GRK2: variants seen among roughly 807,000 people sequenced by gnomAD.
The protein encoded by GRK2 is adrenergic beta receptor kinase 1.
In GRK2, 23 loss-of-function variants were observed where a neutral mutation model predicts 97.8. That is an observed-to-expected ratio of 0.24 (90% confidence interval 0.17 to 0.33). The LOEUF (loss-of-function observed/expected upper bound fraction) is 0.33. Ranked by LOEUF, GRK2 falls within the 10% of genes least tolerant of loss-of-function variation. The pLI is 1.00. For synonymous variants in GRK2, 425 were observed against 381.7 expected (o/e 1.11, Z -1.32); for missense variants, 633 against 956.9 (o/e 0.66, Z 4.47).
chr11:67,273,865 A>G (rs1859964402), intron 1 of GRK2, among the ~76,000 whole-genome samples: 1 of 152,020 alleles, frequency 6.6e-6, no homozygotes, highest in South Asian at 2.1e-4. Context: ...GGAAGGAGAA[A>G]GGGCCTGCCC....
At chr11:67,283,033 C>T in intron 14 of GRK2, 95 bp from the exon 15 acceptor site, 3 of 1,315,196 alleles carry the variant, frequency 2.3e-6, no homozygotes, top group South Asian at 1.2e-5. Flanking sequence ...CCCCATCTGT[C>T]CCTCTGCGGG....
intron 6 of GRK2, 27 bp from the exon 7 acceptor site, chr11:67,280,705 C>T (rs935850476): frequency 1.9e-6 from 3 of 1,613,836 alleles, no homozygotes; most frequent in Non-Finnish European, 2.5e-6. Context: ...TCTGAGTGGC[C>T]CCTGAGCCCT....
At chr11:67,273,156 G>A (rs185739561) in intron 1 of GRK2, among the ~76,000 whole-genome samples, 1 of 152,364 alleles carries the variant, frequency 6.6e-6, no homozygotes, top group Admixed American at 6.5e-5. Context: ...TACAGCTGGG[G>A]AAACTGGACA....
intron 1 of GRK2, among the ~76,000 whole-genome samples, chr11:67,271,522 C>G (rs1015465357): frequency 1.3e-5 from 2 of 152,228 alleles, no homozygotes; most frequent in South Asian, 4.1e-4. Flanking sequence ...TTGGTGCATT[C>G]TAGCGTAATG....
chr11:67,281,341 G>A lies in GRK2; in HGVS notation c.648-118G>A. ...GGCTCCTCTGGCCCCAGCCCTCCCT[G>A]TCTCTGATTTGTGTCACACGCTGGT... On this transcript the variant is annotated intron_variant, in intron 8 of 20. Transcript: ENST00000308595. The surrounding 1 kb of genome is among the most constrained non-coding windows in gnomAD (Gnocchi z 5.7). 8.8e-7 allele frequency: 1 copy of A among 1,138,028 alleles called. No individual in the cohort carries two copies. The highest frequency in any genetic ancestry group is 1.3e-6 in the Non-Finnish European group (1 of 777,028). The allele number at this position is 1,138,028 out of a possible 1,614,324, so 70.5% of individuals were successfully genotyped here. A position where few individuals can be genotyped will look rare whatever the true frequency, so the allele number is the denominator to read the frequency against.
chr11:67,282,438 C>G lies in GRK2; in HGVS notation c.1056C>G (p.Gly352=). 1 of 1,611,908 alleles carries G rather than the reference C, an allele frequency of 6.2e-7. No individual in the cohort carries two copies. Among genetic ancestry groups the G allele is most frequent in the South Asian group, 1.1e-5 (1 of 91,066 alleles). The change falls in exon 13 of 21, where the codon GGC becomes GGG. Residue 352 remains glycine, a synonymous_variant. Coordinates refer to ENST00000308595, the MANE Select transcript of GRK2 (RefSeq NM_001619.5). This position sits in a 1 kb window ranked among gnomAD's most constrained non-coding sequence, Gnocchi z 6.9. The part of the protein sequence containing the change: ...FSKKKPHASV[G]THGYMAPEVL... ...TATGGCCCCCTTGCTCCCACAGGGG[C>G]ACCCACGGGTACATGGCTCCGGAGG... is the stretch of plus-strand genomic sequence containing the variant.
intron 6 of GRK2, 57 bp downstream of exon 6, chr11:67,279,957 G>T: frequency 1.3e-6 from 2 of 1,562,346 alleles, no homozygotes; most frequent in Non-Finnish European, 1.8e-6. Context: ...TCTCAGAAGG[G>T]GTATGGCTGG....
chr11:67,284,450 C>T (rs777736412), intron 18 of GRK2, 77 bp downstream of exon 18: 8 of 1,496,704 alleles, frequency 5.3e-6, no homozygotes, highest in South Asian at 1.2e-5. Context: ...TTAAGGAACT[C>T]ACCCTGGATC....
At position 67,266,795 on chromosome 11, in the gene GRK2, C is replaced by A. The variant is rs2228418; in HGVS notation, c.96C>A (p.Ile32=). The change falls in exon 1 of 21, where the codon ATC becomes ATA. Residue 32 remains isoleucine (I), a synonymous_variant. Coordinates refer to ENST00000308595, the MANE Select transcript of GRK2 (RefSeq NM_001619.5). ...CGGCCGCGCGCGCCAGCAAGAAGAT[C>A]CTGCTGCCCGAGCCCAGGTGAGGAG... ...ATPAARASKK[I]LLPEPSIRSV... 1,182,931 of 1,337,718 alleles carry A rather than the reference C, an allele frequency of 0.88. 538,892 individuals carry two copies. Among genetic ancestry groups the A allele is most frequent in the Non-Finnish European group, 0.93 (964,228 of 1,032,972 alleles). 82.9% of individuals were successfully genotyped at this position (1,337,718 alleles called of 1,614,324 possible). A position where few individuals can be genotyped will look rare whatever the true frequency, so the allele number is the denominator to read the frequency against.
chr11:67,282,030 C>T lies in GRK2; in HGVS notation c.957+78C>T. On this transcript the variant is annotated intron_variant, in intron 11 of 20. Coordinates refer to ENST00000308595, the MANE Select transcript of GRK2 (RefSeq NM_001619.5). This position sits in a 1 kb window ranked among gnomAD's most constrained non-coding sequence, Gnocchi z 6.9. ...CTCTCGACATCCCGGCCACCAGGCC[C>T]AGAGGAGTGGGGCTCCTGGGACATG... 1 of 1,584,158 alleles carries T rather than the reference C, an allele frequency of 6.3e-7. No homozygotes were observed. The highest frequency in any genetic ancestry group is 1.1e-5 in the South Asian group (1 of 88,744).
In GRK2 at chr11:67,285,545, A is replaced by G. The variant is rs913833234; in HGVS notation, c.*95A>G. On this transcript the variant is annotated 3_prime_UTR_variant, in exon 21 of 21. Coordinates refer to ENST00000308595, the MANE Select transcript of GRK2 (RefSeq NM_001619.5). ...GCGGAAAAGGTTTTATTTTGTAATT[A>G]TTGTGATTTCCCGTGGCCCCAGCCT... The G allele has an allele frequency of 5.0e-6, 7 of 1,388,650 alleles. No individual in the cohort carries two copies. The highest frequency in any genetic ancestry group is 6.6e-6 in the Non-Finnish European group (7 of 1,061,360). The allele number at this position is 1,388,650 out of a possible 1,614,324, so 86.0% of individuals were successfully genotyped here. A position where few individuals can be genotyped will look rare whatever the true frequency, so the allele number is the denominator to read the frequency against.
chr11:67,280,126 AG>A (rs1219144885), intron 6 of GRK2: 1 of 577,678 alleles, frequency 1.7e-6, no homozygotes, highest in Non-Finnish European at 3.1e-6. Flanking sequence ...CATCCCAGGC[AG>A]TCTCCTAGCT....
intron 6 of GRK2, 24 bp from the exon 7 acceptor site, chr11:67,280,707 CT>C (rs1565066690): frequency 6.8e-6 from 11 of 1,613,822 alleles, no homozygotes; most frequent in Middle Eastern, 1.6e-4. Flanking sequence ...TGAGTGGCCC[CT>C]GAGCCCTGAT....
intron 18 of GRK2, 62 bp downstream of exon 18, chr11:67,284,435 C>G (rs1256800684): frequency 1.9e-6 from 3 of 1,571,958 alleles, no homozygotes; most frequent in Non-Finnish European, 1.7e-6. Flanking sequence ...GCAGCTGGCT[C>G]GGGTTTAAGG....
Position 67,281,340 on chromosome 11 carries a change from T to C in GRK2, c.648-119T>C, listed in dbSNP as rs1860146502. ...AGGCTCCTCTGGCCCCAGCCCTCCC[T>C]GTCTCTGATTTGTGTCACACGCTGG... On this transcript the variant is annotated intron_variant, in intron 8 of 20. Transcript: ENST00000308595. The surrounding 1 kb of genome is among the most constrained non-coding windows in gnomAD (Gnocchi z 5.7). The C allele has an allele frequency of 2.7e-6, 3 of 1,125,388 alleles. No homozygotes were observed. The highest frequency in any genetic ancestry group is 2.6e-6 in the Non-Finnish European group (2 of 766,060). 69.7% of individuals were successfully genotyped at this position (1,125,388 alleles called of 1,614,324 possible).
At chr11:67,284,747 C>A in intron 18 of GRK2, 100 bp from the exon 19 acceptor site, 1 of 1,455,428 alleles carries the variant, frequency 6.9e-7, no homozygotes, top group Non-Finnish European at 9.2e-7. Context: ...CAAGATTGTG[C>A]CACAGCCCTC....
At chr11:67,278,107 A>C (rs4930416) in intron 2 of GRK2, among the ~76,000 whole-genome samples, 5,633 of 152,206 alleles carry the variant, frequency 0.037, 438 homozygotes, top group Admixed American at 0.18. Flanking sequence ...GGGAGATGGG[A>C]CTCATGAGTC....
At chr11:67,274,495 CTTTTT>C (rs57767154) in intron 1 of GRK2, among the ~76,000 whole-genome samples, 51 of 22,478 alleles carry the variant, frequency 2.3e-3, no homozygotes, top group Non-Finnish European at 4.0e-3. Context: ...TGACCAGCAC[CTTTTT>C]TTTTTTTTTT....
chr11:67,284,164 G>A (rs370187760), intron 17 of GRK2, 47 bp from the exon 18 acceptor site: 15 of 1,607,780 alleles, frequency 9.3e-6, no homozygotes, highest in East Asian at 2.2e-5. Context: ...ATGGTATTCC[G>A]GCATCTCTGT....
Sources: allele counts gnomAD v4.1 joint callset (sites outside exome capture counted in the v4.1 genomes callset), GRCh38; gene constraint gnomAD v4.1.1; non-coding constraint Gnocchi (gnomAD v3.1); transcripts MANE v1.5; gene names NCBI Gene and HGNC (gene_info 2026-07-23, HGNC 2026-07-21).